Variants in TRPV1 observed in about 807,000 individuals in gnomAD.
TRPV1 encodes the protein OTRPC1.
In TRPV1, 82 loss-of-function variants were observed where a neutral mutation model predicts 82.3. The observed-to-expected ratio is 1.00, with a 90% CI of 0.83 to 1.20. The LOEUF is 1.20. Among genes scored for constraint, TRPV1 ranks in the 50% most tolerant of loss-of-function variants. The probability of loss-of-function intolerance (pLI) is 0.00; values close to 1 mark genes in which losing one functional copy is unlikely to be tolerated. For synonymous variants in TRPV1, 515 were observed against 467.7 expected (o/e 1.10, Z -1.30); for missense variants, 1,067 against 1,096.8 (o/e 0.97, Z 0.38).
intron 16 of TRPV1, 26 bp from the exon 17 acceptor site, chr17:3,567,013 T>C: frequency 3.1e-6 from 5 of 1,609,288 alleles, no homozygotes; most frequent in South Asian, 1.1e-5. Context: ...ATTACTACCT[T>C]GGATGCAACA....
intron 2 of TRPV1, among the ~76,000 whole-genome samples, chr17:3,605,505 AT>A (rs1329031288): frequency 6.6e-6 from 1 of 151,576 alleles, no homozygotes; most frequent in Non-Finnish European, 1.5e-5. Flanking sequence ...GTGAGACTCC[AT>A]TTAAAAAAAA....
intron 15 of TRPV1, 123 bp from the exon 16 acceptor site, chr17:3,571,762 G>A: frequency 1.4e-6 from 1 of 737,806 alleles, no homozygotes; most frequent in Non-Finnish European, 2.3e-6. Flanking sequence ...GGTCGGGGAG[G>A]GCAGAGAGGA....
chr17:3,596,755 A>G (rs915456624), intron 2 of TRPV1, among the ~76,000 whole-genome samples: 1 of 152,174 alleles, frequency 6.6e-6, no homozygotes, highest in African/African-American at 2.4e-5. Flanking sequence ...AGCCACTCTT[A>G]CTACCCCCCG....
At chr17:3,574,092 A>G in intron 13 of TRPV1, 137 bp from the exon 14 acceptor site, 1 of 742,758 alleles carries the variant, frequency 1.3e-6, no homozygotes, top group South Asian at 2.0e-5. Flanking sequence ...CTTTAAAACT[A>G]TCAAAAAAAT....
rs1289360499 is a variant in TRPV1 at position 3,585,934 on chromosome 17, G to A, written c.1225-8C>T. The A allele has an allele frequency of 1.2e-6, 2 of 1,613,608 alleles. No homozygotes were observed. Among genetic ancestry groups the A allele is most frequent in the African/African-American group, 1.3e-5 (1 of 75,038 alleles). ...GAGCATGTCGTGGCGATTCTAGGGG[G>A]TGGGGAGAGAAGTGAGGTTCCCTCC... On this transcript the variant is annotated splice_region_variant and splice_polypyrimidine_tract_variant and intron_variant, in intron 8 of 16. Coordinates refer to ENST00000572705, the MANE Select transcript of TRPV1 (RefSeq NM_080704.4).
At chr17:3,572,513 C>T (rs565744707) in intron 14 of TRPV1, among the ~76,000 whole-genome samples, 3 of 152,224 alleles carry the variant, frequency 2.0e-5, no homozygotes, top group Non-Finnish European at 2.9e-5. Flanking sequence ...GGGAGTGATA[C>T]GGAGGCCCCA....
intron 2 of TRPV1, among the ~76,000 whole-genome samples, chr17:3,598,563 CTTTTTTTT>C (rs57290148): frequency 8.6e-6 from 1 of 116,808 alleles, no homozygotes; most frequent in South Asian, 2.8e-4. Flanking sequence ...CGCTTAGTCA[CTTTTTTTT>C]TTTTTTTTTT....
intron 2 of TRPV1, among the ~76,000 whole-genome samples, chr17:3,599,441 C>T (rs1007818934): frequency 5.9e-5 from 9 of 152,054 alleles, no homozygotes; most frequent in Admixed American, 2.6e-4. Flanking sequence ...CTCCCCTTCC[C>T]GACCCCAACC....
intron 10 of TRPV1, among the ~76,000 whole-genome samples, chr17:3,581,050 C>T (rs1235020876): frequency 6.6e-6 from 1 of 151,408 alleles, no homozygotes; most frequent in Non-Finnish European, 1.5e-5. Flanking sequence ...AGTGGATTTA[C>T]AACTATACCC....
chr17:3,569,431 A>C (rs1284351388), intron 16 of TRPV1, among the ~76,000 whole-genome samples: 1 of 152,208 alleles, frequency 6.6e-6, no homozygotes, highest in Non-Finnish European at 1.5e-5. Flanking sequence ...CATCTCAAAA[A>C]TAAAATAAAA....
intron 10 of TRPV1, 34 bp from the exon 11 acceptor site, chr17:3,580,561 A>G: frequency 6.2e-7 from 1 of 1,611,346 alleles, no homozygotes; most frequent in East Asian, 2.2e-5. Context: ...GATCCCAGGC[A>G]ATGCTCGATG....
rs1357796587 is a variant in TRPV1, at chr17:3,580,477, G to A, written c.1527C>T (p.Asp509=). ...RRPSMKTLFV[D]SYSEMLFFLQ... ...CTTACAAAAGCATCTCACTGTAGCTGTCCACAAACAGGGTCTTCATCGACG... is the reference window on the plus strand; with the variant it reads ...CTTACAAAAGCATCTCACTGTAGCTATCCACAAACAGGGTCTTCATCGACG... Residue 509 remains aspartate (D), a synonymous_variant, in exon 11 of 17, where the codon GAC becomes GAT. Coordinates refer to ENST00000572705, the MANE Select transcript of TRPV1 (RefSeq NM_080704.4). 6.2e-7 allele frequency: 1 copy of A among 1,614,040 alleles called. No individual in the cohort carries two copies. Among genetic ancestry groups the A allele is most frequent in the East Asian group, 2.2e-5 (1 of 44,888 alleles).
At chr17:3,597,841 T>C (rs993702364) in intron 2 of TRPV1, among the ~76,000 whole-genome samples, 7 of 151,988 alleles carry the variant, frequency 4.6e-5, no homozygotes, top group African/African-American at 1.5e-4. Context: ...GCCCAGCTAA[T>C]TGTTGTATTT....
chr17:3,585,354 TTGGTCAGGC>T (rs1395738618), intron 9 of TRPV1: 2 of 168,104 alleles, frequency 1.2e-5, no homozygotes, highest in Non-Finnish European at 2.6e-5. Flanking sequence ...TTTCACCATG[TTGGTCAGGC>T]TGGTCTCAAA....
At chr17:3,580,421 G>C in intron 11 of TRPV1, 36 bp downstream of exon 11, 2 of 1,611,978 alleles carry the variant, frequency 1.2e-6, no homozygotes, top group South Asian at 1.1e-5. Flanking sequence ...CGGTCACCTG[G>C]GGACTGGACT....
At chr17:3,569,963 G>GGGTCAGGGAGGAGGGGCCAAGC (rs749699812) in intron 16 of TRPV1, among the ~76,000 whole-genome samples, 12 of 96,038 alleles carry the variant, frequency 1.2e-4, no homozygotes, top group Non-Finnish European at 1.7e-4. Context: ...AGGGGCCAAG[G>GGGTCAGGGAGGAGGGGCCAAGC]GGTCAGGGAG....
chr17:3,581,538 T>A, intron 10 of TRPV1, among the ~76,000 whole-genome samples: 1 of 150,272 alleles, frequency 6.7e-6, no homozygotes, highest in Non-Finnish European at 1.5e-5. Flanking sequence ...TAAAGGTGAG[T>A]GACTGAAAAA....
chr17:3,589,613 G>A (rs1377091184), intron 7 of TRPV1, among the ~76,000 whole-genome samples, 194 bp downstream of exon 7: 2 of 152,128 alleles, frequency 1.3e-5, no homozygotes, highest in Non-Finnish European at 2.9e-5. Context: ...AAAATGGCAC[G>A]TTGGCCATTG....
At chr17:3,606,062 G>A (rs1282104581) in intron 2 of TRPV1, among the ~76,000 whole-genome samples, 1 of 152,110 alleles carries the variant, frequency 6.6e-6, no homozygotes, top group African/African-American at 2.4e-5. Flanking sequence ...AGGCTCAAGC[G>A]ATTCTCCTGC....
Sources: gnomAD v4.1 joint callset for allele counts (sites outside exome capture counted in the v4.1 genomes callset) on GRCh38, gnomAD v4.1.1 for gene constraint, MANE v1.5 for transcripts, NCBI Gene and HGNC (gene_info 2026-07-23, HGNC 2026-07-21) for gene names.